The following MCF2L2 variants were observed in gnomAD, a reference collection of about 807,000 sequenced individuals.
The protein encoded by MCF2L2 is probable guanine nucleotide exchange factor MCF2L2.
In MCF2L2, 102 loss-of-function variants were observed where a neutral mutation model predicts 150.2. That is an observed-to-expected ratio of 0.68 (90% CI 0.58 to 0.80). The LOEUF (loss-of-function observed/expected upper bound fraction) is 0.80, where lower values mean the gene tolerates loss of function less well. Among genes scored for constraint, MCF2L2 ranks in the 30% least tolerant of loss-of-function variants. The pLI, the probability that MCF2L2 is intolerant of heterozygous loss-of-function variation, is 0.00. For synonymous variants in MCF2L2, 465 were observed against 491.3 expected, an observed-to-expected ratio of 0.95 and a Z score of 0.71; for missense variants, 1,256 against 1,372.8, an observed-to-expected ratio of 0.91 and a Z score of 1.34.
chr3:183,298,015 C>T (rs1560007222), intron 11 of MCF2L2: 1 of 152,170 alleles, frequency 6.6e-6, no homozygotes, highest in African/African-American at 2.4e-5. Flanking sequence ...TTAACAAAAA[C>T]ACAACTTTCA....
intron 15 of MCF2L2, chr3:183,254,283 A>G (rs1724813326): frequency 6.6e-6 from 1 of 151,570 alleles, no homozygotes; most frequent in African/African-American, 2.4e-5. Context: ...TGGACACCGG[A>G]TCGGGGCCCG....
At chr3:183,400,416 G>A (rs1465271749) in intron 1 of MCF2L2, 1 of 456,240 alleles carries the variant, frequency 2.2e-6, no homozygotes, top group Non-Finnish European at 4.4e-6. Flanking sequence ...CCTCATCTCT[G>A]CCTCTGTTAT....
intron 22 of MCF2L2, among the ~76,000 whole-genome samples, chr3:183,209,323 C>T (rs1383157059): frequency 6.6e-6 from 1 of 152,162 alleles, no homozygotes; most frequent in East Asian, 1.9e-4. Flanking sequence ...CAAATGTTAT[C>T]AGCACAGGTT....
chr3:183,223,276 A>G (rs1355130873), intron 20 of MCF2L2, 70 bp downstream of exon 20: 1 of 1,161,408 alleles, frequency 8.6e-7, no homozygotes, highest in East Asian at 2.3e-5. Context: ...CTACATGTGT[A>G]ACGACATGGG....
intron 4 of MCF2L2, among the ~76,000 whole-genome samples, 165 bp downstream of exon 4, chr3:183,341,375 G>C (rs1730688427): frequency 6.6e-6 from 1 of 152,208 alleles, no homozygotes; most frequent in African/African-American, 2.4e-5. Flanking sequence ...CAGGTGACCT[G>C]CAGATGGCAG....
chr3:183,338,995 C>T, intron 4 of MCF2L2, 76 bp from the exon 5 acceptor site: 1 of 1,424,450 alleles, frequency 7.0e-7, no homozygotes, highest in Non-Finnish European at 9.5e-7. Context: ...TTTGGTCTCC[C>T]CTTGCCCAAG....
chr3:183,231,716 C>G (rs1486082278), intron 15 of MCF2L2, among the ~76,000 whole-genome samples: 1 of 152,004 alleles, frequency 6.6e-6, no homozygotes, highest in Admixed American at 6.6e-5. Context: ...GCCTTTGCCT[C>G]CCAAACTGCT....
intron 1 of MCF2L2, among the ~76,000 whole-genome samples, chr3:183,427,424 G>A (rs1307836163): frequency 1.3e-5 from 2 of 152,244 alleles, no homozygotes; most frequent in Non-Finnish European, 2.9e-5. Flanking sequence ...CCTAGCGGCC[G>A]AGCTGCGCAG....
intron 15 of MCF2L2, among the ~76,000 whole-genome samples, chr3:183,233,589 G>A (rs1414056195): frequency 6.6e-6 from 1 of 152,076 alleles, no homozygotes; most frequent in Non-Finnish European, 1.5e-5. Flanking sequence ...AAAAATGAAT[G>A]TGTATGTAGA....
chr3:183,322,116 T>C (rs1465032683), intron 6 of MCF2L2, among the ~76,000 whole-genome samples: 1 of 152,260 alleles, frequency 6.6e-6, no homozygotes, highest in Non-Finnish European at 1.5e-5. Flanking sequence ...CACATTAGGT[T>C]CCAACATGTG....
intron 15 of MCF2L2, among the ~76,000 whole-genome samples, chr3:183,241,959 A>G (rs1724046106): frequency 6.6e-6 from 1 of 151,828 alleles, no homozygotes; most frequent in Non-Finnish European, 1.5e-5. Context: ...AGCAAAGGAG[A>G]CTCTTGCTAT....
intron 17 of MCF2L2, among the ~76,000 whole-genome samples, 178 bp downstream of exon 17, chr3:183,229,488 G>A (rs930716282): frequency 9.9e-5 from 15 of 152,068 alleles, no homozygotes; most frequent in African/African-American, 3.4e-4. Context: ...TCTCTCCAGG[G>A]ATCCTGTGGG....
At chr3:183,291,404 G>A (rs906099434) in intron 13 of MCF2L2, among the ~76,000 whole-genome samples, 2 of 152,214 alleles carry the variant, frequency 1.3e-5, no homozygotes, top group African/African-American at 4.8e-5. Flanking sequence ...CTGTGATAAG[G>A]CTTTAATGAG....
chr3:183,238,241 G>A (rs962904131), intron 15 of MCF2L2, among the ~76,000 whole-genome samples: 1 of 136,904 alleles, frequency 7.3e-6, no homozygotes, highest in African/African-American at 3.1e-5. Context: ...TTTTTTTTGC[G>A]ATTTTTTTTT....
chr3:183,187,860 C>T (rs1163930101), intron 27 of MCF2L2, among the ~76,000 whole-genome samples: 2 of 152,136 alleles, frequency 1.3e-5, no homozygotes, highest in African/African-American at 4.8e-5. Context: ...CTGAATCTTA[C>T]CTTCTTCCCT....
chr3:183,384,980 A>G (rs2108593484), intron 2 of MCF2L2, among the ~76,000 whole-genome samples: 1 of 152,312 alleles, frequency 6.6e-6, no homozygotes, highest in African/African-American at 2.4e-5. Flanking sequence ...TCTCACCTGC[A>G]CTACCGAATC....
At chr3:183,356,756 G>A (rs1711809692) in intron 3 of MCF2L2, among the ~76,000 whole-genome samples, 1 of 152,054 alleles carries the variant, frequency 6.6e-6, no homozygotes, top group South Asian at 2.1e-4. Context: ...CTTCTGAATT[G>A]AATAAAAGCA....
chr3:183,293,128 A>T (rs1728260354), intron 13 of MCF2L2, among the ~76,000 whole-genome samples: 1 of 152,230 alleles, frequency 6.6e-6, no homozygotes, highest in African/African-American at 2.4e-5. Flanking sequence ...ATATACTTTA[A>T]ATACAAAGAC....
chr3:183,273,342 GT>G (rs1726948852), intron 15 of MCF2L2: 1 of 236,232 alleles, frequency 4.2e-6, no homozygotes, highest in African/African-American at 2.3e-5. Flanking sequence ...TAATTAGTGA[GT>G]TTAAAAAAAA....
Sources: allele counts gnomAD v4.1 joint callset (sites outside exome capture counted in the v4.1 genomes callset), GRCh38; gene constraint gnomAD v4.1.1; transcripts MANE v1.5; gene names NCBI Gene and HGNC (gene_info 2026-07-23, HGNC 2026-07-21).